TMPRSS15: variants seen among roughly 807,000 people sequenced by gnomAD.
TMPRSS15 encodes transmembrane serine protease 15.
TMPRSS15 carries 128 observed loss-of-function variants against 125.3 expected under a neutral mutation model. The observed-to-expected ratio is 1.02, with a 90% CI of 0.89 to 1.18. TMPRSS15 has a LOEUF of 1.18. Ranked by LOEUF, TMPRSS15 falls within the 50% of genes most tolerant of loss-of-function variation. The probability of loss-of-function intolerance (pLI) is 0.00; values close to 1 mark genes in which losing one functional copy is unlikely to be tolerated. For synonymous variants in TMPRSS15, 446 were observed against 423.2 expected, an observed-to-expected ratio of 1.05 and a Z score of -0.66; for missense variants, 1,283 against 1,212.7, an observed-to-expected ratio of 1.06 and a Z score of -0.86.
At chr21:18,330,066 C>G (rs11911274) in intron 14 of TMPRSS15, among the ~76,000 whole-genome samples, 20,738 of 152,088 alleles carry the variant, frequency 0.14, 1,526 homozygotes, top group African/African-American at 0.16. Context: ...ACTCATTTAT[C>G]TTATTCTTCC....
At chr21:18,480,453 G>A (rs1406998302) in intron 1 of TMPRSS15, among the ~76,000 whole-genome samples, 1 of 151,836 alleles carries the variant, frequency 6.6e-6, no homozygotes, top group African/African-American at 2.4e-5. Context: ...CATGTTAACT[G>A]TATATGCACC....
chr21:18,479,750 G>A (rs772652311), intron 1 of TMPRSS15, among the ~76,000 whole-genome samples: 5 of 152,220 alleles, frequency 3.3e-5, no homozygotes, highest in Non-Finnish European at 5.9e-5. Flanking sequence ...AGATGCTGGA[G>A]AGGATGTGGA....
At chr21:18,423,470 G>A (rs1442417541) in intron 1 of TMPRSS15, among the ~76,000 whole-genome samples, 3 of 149,716 alleles carry the variant, frequency 2.0e-5, no homozygotes, top group East Asian at 2.0e-4. Context: ...GTGCAGTGGC[G>A]CGATCTCGGC....
chr21:18,466,433 G>A (rs552301760), intron 1 of TMPRSS15, among the ~76,000 whole-genome samples: 13 of 151,738 alleles, frequency 8.6e-5, no homozygotes, highest in African/African-American at 2.7e-4. Context: ...AAACTAAACA[G>A]CTTCTGCACA....
rs2075292075 is a variant in TMPRSS15, at chr21:18,326,468, C to T, written c.1885G>A (p.Ala629Thr). ...NDVLARGGFK[A>T]NFTTGYHLGI... ...AAGTGATAGCCAGTAGTAAAGTTTG[C>T]TTTAAACCCTCCTCTTGCCAACACA... The change falls in exon 16 of 25, where the codon GCA becomes ACA. Residue 629 changes from alanine to threonine, a missense_variant. Ala to Thr is a moderately conservative substitution (Grantham distance 58, BLOSUM62 0). Transcript: ENST00000284885. 1 of 1,614,164 alleles carries T rather than the reference C, an allele frequency of 6.2e-7. No homozygotes were observed. Among genetic ancestry groups the T allele is most frequent in the Non-Finnish European group, 8.5e-7 (1 of 1,180,010 alleles).
chr21:18,380,167 T>TCACTCACACACACACA (rs144691737), intron 4 of TMPRSS15, among the ~76,000 whole-genome samples: 1 of 139,414 alleles, frequency 7.2e-6, no homozygotes, highest in African/African-American at 2.7e-5. Flanking sequence ...TATGGAGATG[T>TCACTCACACACACACA]CACACACACA....
intron 18 of TMPRSS15, among the ~76,000 whole-genome samples, chr21:18,312,475 A>G (rs2075110095): frequency 6.6e-6 from 1 of 150,884 alleles, no homozygotes; most frequent in Admixed American, 6.6e-5. Flanking sequence ...AATTTTAAAG[A>G]TATTTTACAA....
At chr21:18,440,889 A>G (rs1193952460) in intron 1 of TMPRSS15, among the ~76,000 whole-genome samples, 1 of 152,250 alleles carries the variant, frequency 6.6e-6, no homozygotes, top group Non-Finnish European at 1.5e-5. Flanking sequence ...TTTTCTGCTT[A>G]AAGTATAATT....
intron 7 of TMPRSS15, among the ~76,000 whole-genome samples, chr21:18,360,088 C>G (rs560754515): frequency 7.6e-4 from 116 of 152,178 alleles, no homozygotes; most frequent in Non-Finnish European, 1.2e-3. Context: ...CACTGAATGA[C>G]AACTTCCCAT....
chr21:18,306,915 A>C (rs1425779552), intron 18 of TMPRSS15, among the ~76,000 whole-genome samples: 2 of 149,792 alleles, frequency 1.3e-5, no homozygotes, highest in Non-Finnish European at 3.0e-5. Context: ...GAAAAGGTTT[A>C]ATATAAAAAA....
intron 3 of TMPRSS15, among the ~76,000 whole-genome samples, chr21:18,394,688 A>G (rs2076018881): frequency 6.6e-6 from 1 of 152,076 alleles, no homozygotes; most frequent in African/African-American, 2.4e-5. Flanking sequence ...AGTTTTTACT[A>G]AAACAACAAT....
intron 1 of TMPRSS15, among the ~76,000 whole-genome samples, chr21:18,449,572 A>T (rs901535689): frequency 2.0e-5 from 3 of 152,090 alleles, no homozygotes; most frequent in Non-Finnish European, 2.9e-5. Flanking sequence ...GTAAGATGGG[A>T]TACTAATTGA....
chr21:18,453,155 T>G (rs930565329), intron 1 of TMPRSS15, among the ~76,000 whole-genome samples: 15 of 152,226 alleles, frequency 9.9e-5, no homozygotes, highest in Admixed American at 3.3e-4. Flanking sequence ...TTTAAAAGAT[T>G]TTTTTGTATT....
chr21:18,384,190 T>G (rs1044166413), intron 3 of TMPRSS15, among the ~76,000 whole-genome samples: 1 of 152,162 alleles, frequency 6.6e-6, no homozygotes, highest in Non-Finnish European at 1.5e-5. Flanking sequence ...GGGGGAAATC[T>G]AAGGTAGTTT....
intron 14 of TMPRSS15, 79 bp downstream of exon 14, chr21:18,332,005 T>C: frequency 5.5e-6 from 7 of 1,267,800 alleles, no homozygotes; most frequent in Non-Finnish European, 8.1e-6. Flanking sequence ...AAATTTATAA[T>C]CTACTTTGCT....
At chr21:18,354,663 C>T (rs944190478) in intron 8 of TMPRSS15, among the ~76,000 whole-genome samples, 1 of 151,502 alleles carries the variant, frequency 6.6e-6, no homozygotes, top group Admixed American at 6.6e-5. Context: ...CGAACAGATA[C>T]ACAGAATATA....
Position 18,356,138 on chromosome 21 carries a change from T to C in TMPRSS15, c.881-2275A>G, listed in dbSNP as rs544006219. Among the ~76,000 whole-genome samples, 72 of 151,982 alleles carry C rather than the reference T, an allele frequency of 4.7e-4. 1 individual carries two copies. The South Asian group carries it at 0.014, about 30-fold the overall frequency. ...CTGATCAAGCAGTCACTCTTAAATG[T>C]GAATTAACTCATCATTTGTCTACTA... On this transcript the variant is annotated intron_variant, in intron 8 of 24. Transcript: ENST00000284885.
At chr21:18,346,813 T>A (rs1458239377) in intron 10 of TMPRSS15, among the ~76,000 whole-genome samples, 2 of 152,196 alleles carry the variant, frequency 1.3e-5, no homozygotes, top group Non-Finnish European at 2.9e-5. Context: ...CAATAATACT[T>A]TCTTATGCAC....
intron 1 of TMPRSS15, among the ~76,000 whole-genome samples, chr21:18,458,839 C>T (rs1978492527): frequency 6.6e-6 from 1 of 152,050 alleles, no homozygotes; most frequent in East Asian, 1.9e-4. Context: ...CCATGAGCAA[C>T]TATTTCTTTT....
Sources: gnomAD v4.1 joint callset for allele counts (sites outside exome capture counted in the v4.1 genomes callset) on GRCh38, gnomAD v4.1.1 for gene constraint, MANE v1.5 for transcripts, NCBI Gene and HGNC (gene_info 2026-07-23, HGNC 2026-07-21) for gene names.